Variants in FBXL17 observed in about 807,000 individuals in gnomAD.
FBXL17 encodes the protein F-box and leucine rich repeat protein 17.
FBXL17 carries 22 observed loss-of-function variants against 66.2 expected under a neutral mutation model. The observed-to-expected ratio is 0.33, with a 90% confidence interval of 0.24 to 0.47. The LOEUF (loss-of-function observed/expected upper bound fraction) is 0.47. FBXL17 is among the 20% of genes least tolerant of loss of function. The pLI is 1.00. For synonymous variants in FBXL17, 474 were observed against 400.5 expected, an observed-to-expected ratio of 1.18 and a Z score of -2.19; for missense variants, 878 against 948.2, an observed-to-expected ratio of 0.93 and a Z score of 0.97.
chr5:108,328,138 G>A (rs1759944342), intron 4 of FBXL17, among the ~76,000 whole-genome samples: 1 of 151,994 alleles, frequency 6.6e-6, no homozygotes, highest in African/African-American at 2.4e-5. Flanking sequence ...CCCTTTGTCT[G>A]GCCTGGCCTT....
chr5:108,164,912 C>T (rs568506616), intron 6 of FBXL17, among the ~76,000 whole-genome samples: 10 of 152,268 alleles, frequency 6.6e-5, no homozygotes, highest in African/African-American at 2.4e-4. Flanking sequence ...TAACTTATTC[C>T]AAGTTTTGTC....
chr5:108,168,760 A>C (rs1030196941), intron 6 of FBXL17, among the ~76,000 whole-genome samples: 2 of 152,226 alleles, frequency 1.3e-5, no homozygotes, highest in African/African-American at 4.8e-5. Context: ...CAAGAAAACC[A>C]GTGTGGATCA....
chr5:108,006,830 A>T (rs912908431), intron 7 of FBXL17, among the ~76,000 whole-genome samples: 2 of 152,214 alleles, frequency 1.3e-5, no homozygotes, highest in African/African-American at 4.8e-5. Context: ...GTACTTCAGG[A>T]TAAAGGATTT....
chr5:108,355,399 G>T (rs914885291), intron 3 of FBXL17, among the ~76,000 whole-genome samples: 1 of 151,560 alleles, frequency 6.6e-6, no homozygotes, highest in African/African-American at 2.4e-5. Context: ...AGCAATTCTT[G>T]TGCCTCCTGA....
chr5:107,866,283 AT>A lies in FBXL17; in HGVS notation c.1966-4424del, dbSNP rs574774810. ...AAGGGGGAAAAACCATGTGCCACAA[AT>A]TTTTTTTTAATATAAGAAAGACTGG... On this transcript the variant is annotated intron_variant, in intron 8 of 8. Coordinates refer to ENST00000542267, the MANE Select transcript of FBXL17 (RefSeq NM_001163315.3). Among the ~76,000 whole-genome samples the A allele has an allele frequency of 9.4e-3, 1,432 of 151,874 alleles. 13 individuals carry two copies. Among genetic ancestry groups the A allele is most frequent in the Non-Finnish European group, 0.014 (979 of 67,902 alleles).
At chr5:108,039,988 T>C (rs1746986336) in intron 6 of FBXL17, among the ~76,000 whole-genome samples, 1 of 152,168 alleles carries the variant, frequency 6.6e-6, no homozygotes, top group African/African-American at 2.4e-5. Flanking sequence ...CTTTAGATCT[T>C]GGGAAACAAA....
intron 4 of FBXL17, among the ~76,000 whole-genome samples, chr5:108,333,088 C>T (rs529126361): frequency 7.4e-6 from 1 of 134,682 alleles, no homozygotes; most frequent in African/African-American, 3.6e-5. Context: ...AAATGAAAGC[C>T]GAAGCAAAAC....
chr5:108,257,972 A>G (rs1022937175), intron 4 of FBXL17, among the ~76,000 whole-genome samples: 5 of 152,100 alleles, frequency 3.3e-5, no homozygotes, highest in Non-Finnish European at 7.4e-5. Flanking sequence ...GACTGATCAC[A>G]TTAAGGATGC....
chr5:107,896,974 G>C (rs562929772), intron 7 of FBXL17, among the ~76,000 whole-genome samples: 1 of 152,098 alleles, frequency 6.6e-6, no homozygotes, highest in South Asian at 2.1e-4. Context: ...TAAGAAAAAA[G>C]TGAAGTCATT....
intron 7 of FBXL17, among the ~76,000 whole-genome samples, chr5:107,891,087 G>T (rs992176679): frequency 2.6e-5 from 4 of 152,154 alleles, no homozygotes; most frequent in African/African-American, 9.7e-5. Flanking sequence ...TTTTAATGAA[G>T]TCTGCTAGGG....
chr5:108,302,381 A>C (rs1758631318), intron 4 of FBXL17, among the ~76,000 whole-genome samples: 1 of 151,778 alleles, frequency 6.6e-6, no homozygotes, highest in Non-Finnish European at 1.5e-5. Flanking sequence ...AGAAATACAT[A>C]TTGCTTCCTA....
At chr5:108,147,780 A>G (rs1272108840) in intron 6 of FBXL17, among the ~76,000 whole-genome samples, 2 of 152,176 alleles carry the variant, frequency 1.3e-5, no homozygotes, top group African/African-American at 4.8e-5. Context: ...AAAGATAGAG[A>G]AGAGATATTA....
At chr5:108,241,810 G>A (rs1039638025) in intron 4 of FBXL17, among the ~76,000 whole-genome samples, 5 of 152,132 alleles carry the variant, frequency 3.3e-5, no homozygotes, top group African/African-American at 7.2e-5. Flanking sequence ...GCTCCAATAC[G>A]TCCGTAACAG....
At chr5:108,088,497 C>T (rs780675142) in intron 6 of FBXL17, among the ~76,000 whole-genome samples, 4 of 151,788 alleles carry the variant, frequency 2.6e-5, no homozygotes, top group Non-Finnish European at 4.4e-5. Flanking sequence ...GTCAGGAGAT[C>T]GAGACCATCC....
At chr5:107,917,234 A>T (rs879141929) in intron 7 of FBXL17, among the ~76,000 whole-genome samples, 1 of 152,180 alleles carries the variant, frequency 6.6e-6, no homozygotes, top group African/African-American at 2.4e-5. Context: ...TTATTTTTCT[A>T]TTCTAATTTC....
At chr5:108,067,279 G>T (rs1748151912) in intron 6 of FBXL17, among the ~76,000 whole-genome samples, 1 of 151,928 alleles carries the variant, frequency 6.6e-6, no homozygotes, top group Non-Finnish European at 1.5e-5. Context: ...TCGTATTTTT[G>T]TTGTTGTTGT....
At position 107,873,255 on chromosome 5, in the gene FBXL17, A is replaced by G. The variant is rs191543561; in HGVS notation, c.1965+7782T>C. ...GTCATTTAAAAATAAATAATCAGCA[A>G]TTTTACAGTACTGTAGCTGCCCATT... On this transcript the variant is annotated intron_variant, in intron 8 of 8. Transcript: ENST00000542267. Among the ~76,000 whole-genome samples the G allele has an allele frequency of 3.6e-3, 554 of 152,310 alleles. 3 individuals carry two copies. The highest frequency in any genetic ancestry group is 6.8e-3 in the Middle Eastern group (2 of 294).
chr5:108,194,146 T>C (rs2150041512), intron 5 of FBXL17, among the ~76,000 whole-genome samples: 1 of 152,262 alleles, frequency 6.6e-6, no homozygotes, highest in African/African-American at 2.4e-5. Flanking sequence ...TGTCCATCCC[T>C]ACCATTCCCT....
chr5:108,353,383 G>C (rs1747767978), intron 3 of FBXL17, among the ~76,000 whole-genome samples: 1 of 152,182 alleles, frequency 6.6e-6, no homozygotes, highest in South Asian at 2.1e-4. Context: ...TGGAGGCACA[G>C]CGTGGATAAG....
Sources: allele counts gnomAD v4.1 joint callset (sites outside exome capture counted in the v4.1 genomes callset), GRCh38; gene constraint gnomAD v4.1.1; transcripts MANE v1.5; gene names NCBI Gene and HGNC (gene_info 2026-07-23, HGNC 2026-07-21).